GDF10: variants seen among roughly 807,000 people sequenced by gnomAD.
The protein encoded by GDF10 is growth/differentiation factor 10.
GDF10 carries 23 observed loss-of-function variants against 32.1 expected under a neutral mutation model. That is an observed-to-expected ratio of 0.72 (90% CI 0.52 to 1.02). GDF10 has a LOEUF of 1.02. GDF10 is among the 50% of genes least tolerant of loss of function. The probability of loss-of-function intolerance (pLI) is 0.00; values close to 1 mark genes in which losing one functional copy is unlikely to be tolerated. For missense variants in GDF10, 764 were observed against 673.9 expected, an observed-to-expected ratio of 1.13 and a Z score of -1.48; for synonymous variants, 328 against 303.1, an observed-to-expected ratio of 1.08 and a Z score of -0.85.
chr10:47,309,920 G>A lies in GDF10; in HGVS notation c.444G>A (p.Val148=). ...CTCGGTGGCCTCGAGCGCTCGAGGT[G>A]CTATGCAAGCCGCGGGCCAAGAACG... The part of the protein sequence containing the change: ...EPPRWPRALE[V]LCKPRAKNAS... The change falls in exon 2 of 3, where the codon GTG becomes GTA. Residue 148 remains valine, a synonymous_variant. Coordinates refer to ENST00000580279, the MANE Select transcript of GDF10 (RefSeq NM_004962.5). The A allele has an allele frequency of 6.2e-7, 1 of 1,612,758 alleles. No homozygotes were observed. The highest frequency in any genetic ancestry group is 8.5e-7 in the Non-Finnish European group (1 of 1,179,856).
At chr10:47,305,124 A>C (rs2061018669) in intron 1 of GDF10, among the ~76,000 whole-genome samples, 1 of 152,140 alleles carries the variant, frequency 6.6e-6, no homozygotes, top group Non-Finnish European at 1.5e-5. Flanking sequence ...TGGGAGAGGC[A>C]AAAGAGTTCT....
intron 1 of GDF10, 24 bp from the exon 2 acceptor site, chr10:47,309,772 C>CTGTG: frequency 6.5e-7 from 1 of 1,541,728 alleles, no homozygotes; most frequent in Non-Finnish European, 8.9e-7. Flanking sequence ...ACTTCACAGC[C>CTGTG]TGTGGTCTCT....
At chr10:47,304,227 G>A (rs1379310086) in intron 1 of GDF10, among the ~76,000 whole-genome samples, 3 of 152,138 alleles carry the variant, frequency 2.0e-5, no homozygotes, top group African/African-American at 7.2e-5. Flanking sequence ...AAAGGCAGGA[G>A]ATGGAGACGG....
Position 47,310,041 on chromosome 10 carries a change from G to A in GDF10, c.565G>A (p.Gly189Arg), listed in dbSNP as rs1283528979. ...QNTATQGLLRGAMALAPPPRG... is the reference protein window; with the variant it reads ...QNTATQGLLRRAMALAPPPRG... The stretch of plus-strand genomic sequence containing the variant: ...CACGGCCACACAGGGGCTACTCCGC[G>A]GGGCCATGGCCCTGGCGCCCCCACC... The change falls in exon 2 of 3, where the codon GGG becomes AGG. Residue 189 changes from glycine to arginine, a missense_variant. By Grantham distance (125) the Gly-to-Arg change is moderately radical (BLOSUM62 -2). Coordinates refer to ENST00000580279, the MANE Select transcript of GDF10 (RefSeq NM_004962.5). 14 of 1,605,538 alleles carry A rather than the reference G, an allele frequency of 8.7e-6. No homozygotes were observed. The highest frequency in any genetic ancestry group is 1.7e-5 in the Admixed American group (1 of 59,734).
chr10:47,309,068 G>A (rs1821461177), intron 1 of GDF10, among the ~76,000 whole-genome samples: 1 of 152,172 alleles, frequency 6.6e-6, no homozygotes, highest in African/African-American at 2.4e-5. Flanking sequence ...TGTAATGGTT[G>A]AGACGTCCCG....
intron 1 of GDF10, among the ~76,000 whole-genome samples, chr10:47,305,116 G>A (rs1555207106): frequency 6.6e-6 from 1 of 152,162 alleles, no homozygotes; most frequent in East Asian, 1.9e-4. Flanking sequence ...AGCAGGAATG[G>A]GAGAGGCAAA....
rs781994341 is a variant in GDF10, at chr10:47,300,899, A to T, written c.248A>T (p.Tyr83Phe). 2 of 1,579,652 alleles carry T rather than the reference A, an allele frequency of 1.3e-6. No homozygotes were observed. Among genetic ancestry groups the T allele is most frequent in the African/African-American group, 1.4e-5 (1 of 73,040 alleles). Residue 83 changes from tyrosine (Y) to phenylalanine (F), a missense_variant, in exon 1 of 3, where the codon TAT becomes TTT. Transcript: ENST00000580279. ...GTCGCTGTCCACATGCACAGGCTCTATGAGAAGTACAGCCGGCAGGGCGCG... is the reference window on the plus strand; with the variant it reads ...GTCGCTGTCCACATGCACAGGCTCTTTGAGAAGTACAGCCGGCAGGGCGCG... ...DMVAVHMHRL[Y>F]EKYSRQGARP...
chr10:47,300,711 G>A lies in GDF10; in HGVS notation c.60G>A (p.Leu20=). 1 of 1,594,430 alleles carries A rather than the reference G, an allele frequency of 6.3e-7. No homozygotes were observed. The highest frequency in any genetic ancestry group is 8.5e-7 in the Non-Finnish European group (1 of 1,173,274). Residue 20 remains leucine, a synonymous_variant, in exon 1 of 3, where the codon CTG becomes CTA. Coordinates refer to ENST00000580279, the MANE Select transcript of GDF10 (RefSeq NM_004962.5). The part of the protein sequence containing the change: ...PGPGPQLLLL[L]LPLFLLLLRD... ...CCGGGCCCCAGCTGCTGCTGCTGCT[G>A]CTGCCGTTGTTTCTGCTGTTGCTCC...
chr10:47,304,117 C>G (rs561800345), intron 1 of GDF10, among the ~76,000 whole-genome samples: 1 of 152,280 alleles, frequency 6.6e-6, no homozygotes, highest in African/African-American at 2.4e-5. Context: ...GCCCCAGCCA[C>G]TTTGAAGGGC....
At chr10:47,311,205 C>T (rs2061045014) in intron 2 of GDF10, among the ~76,000 whole-genome samples, 2 of 152,234 alleles carry the variant, frequency 1.3e-5, no homozygotes, top group Non-Finnish European at 2.9e-5. Flanking sequence ...TTCCCTCCTC[C>T]TTGCAGCTCA....
intron 1 of GDF10, among the ~76,000 whole-genome samples, chr10:47,303,626 T>C (rs1287182420): frequency 6.6e-6 from 1 of 152,136 alleles, no homozygotes; most frequent in Non-Finnish European, 1.5e-5. Context: ...CCTTCCCTCA[T>C]TGCTCCCTGA....
chr10:47,302,142 G>A (rs1030822140), intron 1 of GDF10, among the ~76,000 whole-genome samples: 5 of 152,236 alleles, frequency 3.3e-5, no homozygotes, highest in South Asian at 2.1e-4. Context: ...CTTGAGGAAC[G>A]TTATTAAATT....
intron 2 of GDF10, 53 bp downstream of exon 2, chr10:47,310,774 C>G: frequency 8.2e-7 from 1 of 1,222,154 alleles, no homozygotes; most frequent in Non-Finnish European, 1.2e-6. Context: ...CTGCCGCTAC[C>G]GTCAAGTTCC....
In GDF10 at chr10:47,303,237, A is replaced by G. The variant is rs188667912; in HGVS notation, c.319+2267A>G. On this transcript the variant is annotated intron_variant, in intron 1 of 2. Coordinates refer to ENST00000580279, the MANE Select transcript of GDF10 (RefSeq NM_004962.5). ...TCTGGTCCGAGAACATGCCAGTCTC[A>G]GCCTGCTCCCCAGTGGTGGGTTTCT... Among the ~76,000 whole-genome samples, 55 of 152,312 alleles carry G rather than the reference A, an allele frequency of 3.6e-4. No homozygotes were observed. In the East Asian group the frequency reaches 9.5e-3, roughly 26 times the overall value.
In GDF10 at chr10:47,310,434, A is replaced by G; in HGVS notation, c.958A>G (p.Lys320Glu). ...PPRAHAQHFH[K>E]HQLWPSPFRA... ...GCGCGCCCACGCACAGCACTTCCAC[A>G]AGCACCAGCTGTGGCCCAGCCCCTT... Residue 320 changes from lysine (K) to glutamate (E), a missense_variant, in exon 2 of 3, where the codon AAG (lysine) becomes GAG (glutamate). Physicochemically the swap from Lys to Glu is moderately conservative, Grantham distance 56. Transcript: ENST00000580279. 6.2e-7 allele frequency: 1 copy of G among 1,612,936 alleles called. No individual in the cohort carries two copies. The highest frequency in any genetic ancestry group is 2.2e-5 in the East Asian group (1 of 44,838).
Position 47,300,684 on chromosome 10 carries a change from A to ACCCGGGC in GDF10, c.37_43dup (p.Gln15ArgfsTer72), listed in dbSNP as rs782612250. On this transcript the variant is annotated frameshift_variant, in exon 1 of 3. Transcript: ENST00000580279. LOFTEE classifies it high-confidence loss of function. ...ATGTCCCCGCTCGGACCAGCCCGGG[A>ACCCGGGC]CCCGGGCCCCAGCTGCTGCTGCTGC... 1.2e-6 allele frequency: 2 copies of ACCCGGGC among 1,602,988 alleles called. No homozygotes were observed.
At chr10:47,303,599 C>A (rs1555207004) in intron 1 of GDF10, among the ~76,000 whole-genome samples, 1 of 152,126 alleles carries the variant, frequency 6.6e-6, no homozygotes, top group Admixed American at 6.5e-5. Context: ...TGTTGATATA[C>A]CAGCCACCCC....
chr10:47,308,789 G>A (rs1306436142), intron 1 of GDF10, among the ~76,000 whole-genome samples: 3 of 152,164 alleles, frequency 2.0e-5, no homozygotes, highest in African/African-American at 7.2e-5. Flanking sequence ...ATCCTAGGGA[G>A]GCACCAGGAA....
rs373114581 is a variant in GDF10 at position 47,310,103 on chromosome 10, C to A, written c.627C>A (p.Ile209=). 28 of 1,609,306 alleles carry A rather than the reference C, an allele frequency of 1.7e-5. No homozygotes were observed. The East Asian group carries it at 6.2e-4, about 36-fold the overall frequency. The change falls in exon 2 of 3, where the codon ATC becomes ATA. Residue 209 remains isoleucine (I), a synonymous_variant. Transcript: ENST00000580279. ...GGCAGGCCAAGGACATCTCCCCCAT[C>A]GTCAAGGCGGCCCGCCGGGATGGCG... The part of the protein sequence containing the change: ...GLWQAKDISP[I]VKAARRDGEL...
Sources: gnomAD v4.1 joint callset for allele counts (sites outside exome capture counted in the v4.1 genomes callset) on GRCh38, gnomAD v4.1.1 for gene constraint, MANE v1.5 for transcripts, NCBI Gene and HGNC (gene_info 2026-07-23, HGNC 2026-07-21) for gene names.